Variants in ZDHHC11 observed in about 807,000 individuals in gnomAD.
ZDHHC11 encodes the protein palmitoyltransferase ZDHHC11.
A neutral mutation model predicts 51.3 loss-of-function variants in ZDHHC11; 44 were observed. The observed-to-expected ratio is 0.86, with a 90% confidence interval of 0.67 to 1.10. The LOEUF (loss-of-function observed/expected upper bound fraction) is 1.10. Ranked by LOEUF, ZDHHC11 falls within the 50% of genes least tolerant of loss-of-function variation. The pLI is 0.00. For missense variants in ZDHHC11, 400 were observed against 537.7 expected, an observed-to-expected ratio of 0.74 and a Z score of 2.53; for synonymous variants, 163 against 222.0, an observed-to-expected ratio of 0.73 and a Z score of 2.36.
intron 11 of ZDHHC11, among the ~76,000 whole-genome samples, chr5:802,672 C>T (rs1176091045): frequency 3.3e-5 from 5 of 149,868 alleles, no homozygotes; most frequent in Non-Finnish European, 7.5e-5. Context: ...TGGGAGAGTG[C>T]TTGAAGAAAG....
intron 7 of ZDHHC11, among the ~76,000 whole-genome samples, chr5:829,530 C>T (rs1561263832): frequency 6.6e-6 from 1 of 151,592 alleles, no homozygotes; most frequent in Non-Finnish European, 1.5e-5. Flanking sequence ...CTAAAATATC[C>T]AGGATGTATT....
At chr5:814,891 T>C in intron 10 of ZDHHC11, 96 bp from the exon 11 acceptor site, 1 of 1,207,416 alleles carries the variant, frequency 8.3e-7, no homozygotes, top group Non-Finnish European at 1.1e-6. Flanking sequence ...TAGTCAGTTC[T>C]GAGTAATGGT....
At chr5:806,989 G>A (rs141374061) in intron 11 of ZDHHC11, among the ~76,000 whole-genome samples, 2 of 150,624 alleles carry the variant, frequency 1.3e-5, no homozygotes, top group Admixed American at 6.6e-5. Flanking sequence ...GAATAGCCCC[G>A]GGAGAAATGG....
rs1164428574 is a variant in ZDHHC11 at position 815,472 on chromosome 5, C to T, written c.1147-677G>A. On this transcript the variant is annotated intron_variant, in intron 10 of 12. Coordinates refer to ENST00000283441, the MANE Select transcript of ZDHHC11 (RefSeq NM_024786.3). ...GCATCTGAAGCTTTGCCAAACTGCTCGCCAATGTGGCATCATCTTTCATCC... is the reference window on the plus strand; with the variant it reads ...GCATCTGAAGCTTTGCCAAACTGCTTGCCAATGTGGCATCATCTTTCATCC... Among the ~76,000 whole-genome samples the T allele has an allele frequency of 1.4e-4, 21 of 151,606 alleles. 1 individual carries two copies. The highest frequency in any genetic ancestry group is 2.2e-4 in the Non-Finnish European group (15 of 67,722).
At chr5:809,006 C>CAG (rs1176147522) in intron 11 of ZDHHC11, among the ~76,000 whole-genome samples, 7 of 147,194 alleles carry the variant, frequency 4.8e-5, no homozygotes, top group Admixed American at 4.1e-4. Context: ...CACACACACA[C>CAG]ACACACACGC....
upstream of ZDHHC11, among the ~76,000 whole-genome samples, chr5:855,690 G>A (rs1748120443): frequency 6.2e-5 from 9 of 145,776 alleles, no homozygotes; most frequent in South Asian, 2.0e-3. Flanking sequence ...CCCCACGGAG[G>A]ACAGTGAGCC....
chr5:805,527 TGTACAAA>T (rs1739118896), intron 11 of ZDHHC11, among the ~76,000 whole-genome samples: 1 of 150,516 alleles, frequency 6.6e-6, no homozygotes, highest in Non-Finnish European at 1.5e-5. Flanking sequence ...AATTAGAAAA[TGTACAAA>T]AAAGGAAAGA....
rs1739375771 is a variant in ZDHHC11, at chr5:807,138, C to T, written c.1182-5974G>A. On this transcript the variant is annotated intron_variant, in intron 11 of 12. Coordinates refer to ENST00000283441, the MANE Select transcript of ZDHHC11 (RefSeq NM_024786.3). Reference sequence around the variant, plus strand: ...GGGGTGGAACAGCCACAGAAGCAAACGCCAACAGACTACAGCGACAAGCAG... The same window carrying T: ...GGGGTGGAACAGCCACAGAAGCAAATGCCAACAGACTACAGCGACAAGCAG... Among the ~76,000 whole-genome samples, 4 of 150,646 alleles carry T rather than the reference C, an allele frequency of 2.7e-5. No homozygotes were observed. In the South Asian group the frequency reaches 6.3e-4, roughly 24 times the overall value.
upstream of ZDHHC11, among the ~76,000 whole-genome samples, chr5:853,341 C>G (rs1055108461): frequency 1.4e-5 from 2 of 141,732 alleles, no homozygotes; most frequent in Non-Finnish European, 3.0e-5. Context: ...CCGCAGAGGA[C>G]AGCGAGTCGG....
At chr5:808,245 G>C in intron 11 of ZDHHC11, among the ~76,000 whole-genome samples, 1 of 151,716 alleles carries the variant, frequency 6.6e-6, no homozygotes, top group East Asian at 1.9e-4. Flanking sequence ...GAGGGAGCAC[G>C]CAGGACATCT....
At chr5:844,147 TGCTCCCGACC>T (rs1486950566) in intron 3 of ZDHHC11, among the ~76,000 whole-genome samples, 6 of 149,368 alleles carry the variant, frequency 4.0e-5, no homozygotes, top group Non-Finnish European at 7.4e-5. Context: ...CCTCAAACCC[TGCTCCCGACC>T]GCGCCTGGAA....
At chr5:840,712 A>T in intron 4 of ZDHHC11, 62 bp from the exon 5 acceptor site, 1 of 1,607,192 alleles carries the variant, frequency 6.2e-7, no homozygotes. Flanking sequence ...CATCAGGTGG[A>T]CGTCACAGAC....
chr5:840,521 T>C lies in ZDHHC11; in HGVS notation c.758A>G (p.Gln253Arg). 6.2e-7 allele frequency: 1 copy of C among 1,613,784 alleles called. No individual in the cohort carries two copies. The highest frequency in any genetic ancestry group is 1.1e-5 in the South Asian group (1 of 91,078). The change falls in exon 5 of 13, where the codon CAG becomes CGG. Residue 253 changes from glutamine (Q) to arginine (R), a missense_variant. Gln to Arg is a conservative substitution (Grantham distance 43). Around this residue, in one of 5 missense-constraint regions of ZDHHC11, gnomAD observed 231 missense variants for 227.4 expected, o/e 1.02. Transcript: ENST00000283441. ...LDFLGLVHLG[Q>R]LLIFHIYLKA... Reference sequence around the variant, plus strand: ...CAGGTAGATGTGGAAGATGAGCAGCTGGCCCAGGTGCACCAAGCCAAGAAA... The same window carrying C: ...CAGGTAGATGTGGAAGATGAGCAGCCGGCCCAGGTGCACCAAGCCAAGAAA...
chr5:829,253 C>G (rs1742746417), intron 7 of ZDHHC11, among the ~76,000 whole-genome samples: 1 of 150,938 alleles, frequency 6.6e-6, no homozygotes, highest in Admixed American at 6.6e-5. Flanking sequence ...TGACCATTAG[C>G]AACATTAAGC....
chr5:845,002 C>T (rs1487842193), intron 3 of ZDHHC11, among the ~76,000 whole-genome samples: 1 of 152,292 alleles, frequency 6.6e-6, no homozygotes, highest in African/African-American at 2.4e-5. Flanking sequence ...TTATGTTCAC[C>T]TAAGCTTGTT....
At chr5:845,482 G>C (rs1320510285) in intron 3 of ZDHHC11, among the ~76,000 whole-genome samples, 1 of 152,196 alleles carries the variant, frequency 6.6e-6, no homozygotes, top group African/African-American at 2.4e-5. Context: ...ACAGCCTCCT[G>C]CCCCTGCTGC....
In ZDHHC11 at chr5:850,851, G is replaced by C. The variant is rs367894911; in HGVS notation, c.-249C>G. ...ATGTGACCCCGGCCAGAGCCGAGTGGCAACGGAAAACGGCTCTCCAGGGTG... is the reference window on the plus strand; with the variant it reads ...ATGTGACCCCGGCCAGAGCCGAGTGCCAACGGAAAACGGCTCTCCAGGGTG... On this transcript the variant is annotated 5_prime_UTR_variant, in exon 1 of 13. Coordinates refer to ENST00000283441, the MANE Select transcript of ZDHHC11 (RefSeq NM_024786.3). 29 of 561,086 alleles carry C rather than the reference G, an allele frequency of 5.2e-5. No homozygotes were observed. The Middle Eastern group carries it at 1.4e-3, about 27-fold the overall frequency. The allele number at this position is 561,086 out of a possible 1,614,324, so 34.8% of individuals were successfully genotyped here. A position where few individuals can be genotyped will look rare whatever the true frequency, so the allele number is the denominator to read the frequency against.
At chr5:825,279 C>G in intron 7 of ZDHHC11, 28 bp from the exon 8 acceptor site, 1 of 1,605,608 alleles carries the variant, frequency 6.2e-7, no homozygotes, top group Non-Finnish European at 8.5e-7. Flanking sequence ...AGGAGAGAAA[C>G]TCATCTCAGC....
At chr5:853,193 G>T (rs1157112190), upstream of ZDHHC11, among the ~76,000 whole-genome samples, 1 of 146,046 alleles carries the variant, frequency 6.8e-6, no homozygotes, top group Admixed American at 6.8e-5. Context: ...GCGAGCCAGG[G>T]GGCAGAGACT....
Sources: gnomAD v4.1 joint callset for allele counts (sites outside exome capture counted in the v4.1 genomes callset) on GRCh38, gnomAD v4.1.1 for gene constraint, gnomAD v4.1.1 regional missense constraint, MANE v1.5 for transcripts, NCBI Gene and HGNC (gene_info 2026-07-23, HGNC 2026-07-21) for gene names.